Variants in IL21R observed in about 807,000 individuals in gnomAD.
IL21R encodes interleukin-21 receptor.
IL21R carries 14 observed loss-of-function variants against 41.3 expected under a neutral mutation model. The observed-to-expected ratio is 0.34, with a 90% CI of 0.22 to 0.53. The LOEUF (loss-of-function observed/expected upper bound fraction) is 0.53. Among genes scored for constraint, IL21R ranks in the 20% least tolerant of loss-of-function variants. The probability of loss-of-function intolerance (pLI) is 0.94; values close to 1 mark genes in which losing one functional copy is unlikely to be tolerated. For missense variants in IL21R, 588 were observed against 681.6 expected, an observed-to-expected ratio of 0.86 and a Z score of 1.53; for synonymous variants, 286 against 287.6, an observed-to-expected ratio of 0.99 and a Z score of 0.05.
At chr16:27,436,171 G>A (rs772161586) in intron 3 of IL21R, among the ~76,000 whole-genome samples, 3 of 152,064 alleles carry the variant, frequency 2.0e-5, no homozygotes, top group Non-Finnish European at 4.4e-5. Context: ...CCGGTCTGCC[G>A]CATGGCCAGC....
At chr16:27,413,384 A>C (rs1427448387) in intron 1 of IL21R, among the ~76,000 whole-genome samples, 1 of 152,100 alleles carries the variant, frequency 6.6e-6, no homozygotes, top group East Asian at 1.9e-4. Flanking sequence ...GGATTTTTGC[A>C]TCAGTATTCA....
In IL21R at chr16:27,437,561, C is replaced by A; in HGVS notation, c.226C>A (p.His76Asn). The change falls in exon 4 of 9, where the codon CAT becomes AAT. Residue 76 changes from histidine (H) to asparagine (N), a missense_variant. By Grantham distance (68) the His-to-Asn change is moderately conservative (BLOSUM62 1). Transcript: ENST00000337929. Reference protein sequence around the residue: ...SLHRSAHNATHATYTCHMDVF... With the variant: ...SLHRSAHNATNATYTCHMDVF... The stretch of plus-strand genomic sequence containing the variant: ...CCACAGGTCGGCCCACAATGCCACG[C>A]ATGCCACCTACACCTGCCACATGGA... 1.2e-6 allele frequency: 2 copies of A among 1,614,230 alleles called. No individual in the cohort carries two copies. Among genetic ancestry groups the A allele is most frequent in the Non-Finnish European group, 1.7e-6 (2 of 1,180,032 alleles).
chr16:27,418,956 C>T (rs112701237), intron 1 of IL21R, among the ~76,000 whole-genome samples: 4 of 151,150 alleles, frequency 2.6e-5, no homozygotes, highest in African/African-American at 7.3e-5. Flanking sequence ...GGCTCATGCC[C>T]GTAATCCCGG....
intron 1 of IL21R, among the ~76,000 whole-genome samples, chr16:27,408,853 G>A (rs1332049116): frequency 6.6e-6 from 1 of 152,136 alleles, no homozygotes; most frequent in Admixed American, 6.6e-5. Context: ...GGAACTAGAC[G>A]CATCCCATTC....
intron 4 of IL21R, among the ~76,000 whole-genome samples, chr16:27,440,248 T>TATATATATATATAGAGAG (rs1352160946): frequency 1.5e-3 from 98 of 64,004 alleles, no homozygotes; most frequent in Non-Finnish European, 2.0e-3. Flanking sequence ...TATATATATA[T>TATATATATATATAGAGAG]AGAGAGAGAG....
chr16:27,429,995 G>C lies in IL21R; in HGVS notation c.-16-61G>C, dbSNP rs1362610717. The C allele has an allele frequency of 4.3e-6, 6 of 1,409,122 alleles. No homozygotes were observed. The Admixed American group carries it at 7.3e-5, about 17-fold the overall frequency. 87.3% of individuals were successfully genotyped at this position (1,409,122 alleles called of 1,614,324 possible). A position where few individuals can be genotyped will look rare whatever the true frequency, so the allele number is the denominator to read the frequency against. On this transcript the variant is annotated intron_variant, in intron 1 of 8. Transcript: ENST00000337929. ...GTCTGCCTGGGAAGAGACAGGATGA[G>C]GGGGAGGCCGGGGGAGCCCTGAGCC...
chr16:27,440,287 A>T (rs1047525005), intron 4 of IL21R, among the ~76,000 whole-genome samples: 2 of 102,716 alleles, frequency 1.9e-5, no homozygotes, highest in African/African-American at 1.0e-4. Flanking sequence ...AGAGCGAGCA[A>T]GCGCGCGCCA....
In IL21R at chr16:27,446,213, C is replaced by T. The variant is rs529950400; in HGVS notation, c.867+125C>T. The stretch of plus-strand genomic sequence containing the variant: ...CTAGAGCATCCAGGTCTCAGCCAAG[C>T]CACAAGCCAGGCCTCAGTTTCCCCA... On this transcript the variant is annotated intron_variant, in intron 8 of 8. Coordinates refer to ENST00000337929, the MANE Select transcript of IL21R (RefSeq NM_181078.3). 2.0e-4 allele frequency: 132 copies of T among 649,074 alleles called. No homozygotes were observed. In the African/African-American group the frequency reaches 2.1e-3, roughly 11 times the overall value. 40.2% of individuals were successfully genotyped at this position (649,074 alleles called of 1,614,324 possible).
chr16:27,408,835 C>T (rs1018443528), intron 1 of IL21R, among the ~76,000 whole-genome samples: 7 of 152,084 alleles, frequency 4.6e-5, no homozygotes, highest in Non-Finnish European at 8.8e-5. Flanking sequence ...AGAGAATGGC[C>T]GACTTGAGGA....
At chr16:27,445,112 T>C in intron 6 of IL21R, 65 bp from the exon 7 acceptor site, 1 of 1,169,734 alleles carries the variant, frequency 8.5e-7, no homozygotes, top group Non-Finnish European at 1.3e-6. Context: ...TTTCCCACCA[T>C]GCCCACCCCA....
intron 1 of IL21R, among the ~76,000 whole-genome samples, chr16:27,408,332 A>C (rs1159195136): frequency 6.6e-6 from 1 of 152,250 alleles, no homozygotes; most frequent in African/African-American, 2.4e-5. Context: ...ACAGGTGTGC[A>C]AGCCAGGTGA....
chr16:27,405,830 C>T (rs2086735381), intron 1 of IL21R, among the ~76,000 whole-genome samples: 1 of 152,384 alleles, frequency 6.6e-6, no homozygotes, highest in South Asian at 2.1e-4. Context: ...GAATATTCCC[C>T]AGGCTGGGGG....
At chr16:27,439,957 C>A (rs2087351269) in intron 4 of IL21R, among the ~76,000 whole-genome samples, 1 of 152,108 alleles carries the variant, frequency 6.6e-6, no homozygotes, top group Admixed American at 6.5e-5. Flanking sequence ...GGGACTCATC[C>A]TCACCCAGCC....
intron 1 of IL21R, among the ~76,000 whole-genome samples, chr16:27,406,189 G>T (rs996525465): frequency 6.6e-6 from 1 of 152,284 alleles, no homozygotes; most frequent in Non-Finnish European, 1.5e-5. Context: ...GAACTGAGGG[G>T]AGAGAGACGG....
intron 1 of IL21R, among the ~76,000 whole-genome samples, chr16:27,423,366 G>T (rs1281008494): frequency 6.6e-6 from 1 of 151,866 alleles, no homozygotes; most frequent in Non-Finnish European, 1.5e-5. Flanking sequence ...CATTTAAAAT[G>T]GTATGAAATA....
intron 1 of IL21R, among the ~76,000 whole-genome samples, chr16:27,416,670 C>T (rs1336897594): frequency 1.8e-4 from 27 of 152,124 alleles, no homozygotes; most frequent in Admixed American, 1.8e-3. Context: ...TGAAAATGTA[C>T]TCTTAAGATG....
chr16:27,434,543 G>A (rs2087233372), intron 3 of IL21R, 94 bp downstream of exon 3: 2 of 787,812 alleles, frequency 2.5e-6, no homozygotes, highest in South Asian at 1.5e-5. Context: ...GAGGACCACT[G>A]TGTCCGCCTT....
At chr16:27,408,268 G>A (rs758169520) in intron 1 of IL21R, among the ~76,000 whole-genome samples, 1 of 152,208 alleles carries the variant, frequency 6.6e-6, no homozygotes, top group African/African-American at 2.4e-5. Flanking sequence ...TGAGTAGGAG[G>A]CTAACAGTCA....
At chr16:27,422,621 A>G (rs575239940) in intron 1 of IL21R, among the ~76,000 whole-genome samples, 1 of 152,244 alleles carries the variant, frequency 6.6e-6, no homozygotes, top group East Asian at 1.9e-4. Flanking sequence ...CAGTTCCAGG[A>G]TTTCTACTTT....
Sources: allele counts gnomAD v4.1 joint callset (sites outside exome capture counted in the v4.1 genomes callset), GRCh38; gene constraint gnomAD v4.1.1; transcripts MANE v1.5; gene names NCBI Gene and HGNC (gene_info 2026-07-23, HGNC 2026-07-21).